Variants in SUMF1 observed in about 807,000 individuals in gnomAD.
SUMF1 encodes the protein formylglycine-generating enzyme.
Under a neutral mutation model 47.6 loss-of-function variants are expected in SUMF1, and 48 were observed. The observed-to-expected ratio is 1.01, with a 90% CI of 0.80 to 1.28. The LOEUF is 1.28. Ranked by LOEUF, SUMF1 falls within the 50% of genes most tolerant of loss-of-function variation. The probability of loss-of-function intolerance (pLI) is 0.00; values close to 1 mark genes in which losing one functional copy is unlikely to be tolerated. For missense variants in SUMF1, 571 were observed against 485.4 expected, an observed-to-expected ratio of 1.18 and a Z score of -1.66; for synonymous variants, 230 against 192.1, an observed-to-expected ratio of 1.20 and a Z score of -1.63.
At chr3:4,099,156 G>T (rs529858876) in intron 8 of SUMF1, among the ~76,000 whole-genome samples, 2 of 152,032 alleles carry the variant, frequency 1.3e-5, no homozygotes, top group African/African-American at 4.8e-5. Context: ...TCCAAATCAG[G>T]AGTTAAATGA....
At chr3:4,362,648 G>A (rs1288016592) in intron 8 of SUMF1, among the ~76,000 whole-genome samples, 2 of 152,170 alleles carry the variant, frequency 1.3e-5, no homozygotes, top group African/African-American at 4.8e-5. Flanking sequence ...GAGGCCAGGC[G>A]CACTGGCTCA....
intron 8 of SUMF1, among the ~76,000 whole-genome samples, chr3:4,258,429 A>C (rs1697007033): frequency 7.3e-6 from 1 of 136,834 alleles, no homozygotes; most frequent in African/African-American, 2.9e-5. Flanking sequence ...AAAAACAAAC[A>C]ACCCCATCAA....
chr3:4,146,929 G>T (rs987259032), intron 8 of SUMF1, among the ~76,000 whole-genome samples: 1 of 151,948 alleles, frequency 6.6e-6, no homozygotes, highest in Non-Finnish European at 1.5e-5. Flanking sequence ...CTTAATCCAG[G>T]CTATCGTTGT....
chr3:4,229,475 C>T (rs1696249943), intron 8 of SUMF1: 1 of 230,520 alleles, frequency 4.3e-6, no homozygotes, highest in African/African-American at 2.4e-5. Context: ...AAAACTATTG[C>T]ACCTCTCCAG....
chr3:4,457,018 A>G lies in SUMF1; in HGVS notation c.271-3969T>C, dbSNP rs1213570251. 6.1e-5 allele frequency among the ~76,000 whole-genome samples: 8 copies of G among 131,962 alleles called. No homozygotes were observed. The Admixed American group carries it at 6.4e-4, about 10-fold the overall frequency. 86.6% of individuals were successfully genotyped at this position (131,962 alleles called of 152,430 possible). On this transcript the variant is annotated intron_variant, in intron 1 of 8. Transcript: ENST00000272902. ...TGTGTGTATATATATACGTGTGTGT[A>G]CATATATATACGTGTGTGTGTATAT... is the stretch of plus-strand genomic sequence containing the variant.
intron 8 of SUMF1, among the ~76,000 whole-genome samples, chr3:4,236,686 G>C (rs942784746): frequency 3.3e-5 from 5 of 152,076 alleles, no homozygotes; most frequent in African/African-American, 9.7e-5. Flanking sequence ...TATATCCCTT[G>C]TCACCTATCA....
intron 3 of SUMF1, among the ~76,000 whole-genome samples, chr3:4,422,126 A>G (rs528588269): frequency 6.6e-6 from 1 of 152,324 alleles, no homozygotes; most frequent in East Asian, 1.9e-4. Flanking sequence ...AGGGGAGTGA[A>G]GAGGCATGGC....
At chr3:4,305,651 T>C (rs889069369) in intron 8 of SUMF1, among the ~76,000 whole-genome samples, 3 of 152,162 alleles carry the variant, frequency 2.0e-5, no homozygotes, top group Non-Finnish European at 4.4e-5. Flanking sequence ...TCTTCCCTTA[T>C]TTGTTATTTG....
intron 8 of SUMF1, among the ~76,000 whole-genome samples, chr3:4,235,967 G>C (rs1254731920): frequency 6.6e-6 from 1 of 151,970 alleles, no homozygotes; most frequent in Non-Finnish European, 1.5e-5. Context: ...TTTTGAGACA[G>C]GGTCTGGCTC....
In SUMF1 at chr3:4,061,232, G is replaced by A. The variant is rs368000366; in HGVS notation, c.1191+7337C>T. On this transcript the variant is annotated intron_variant and NMD_transcript_variant, in intron 9 of 12. Transcript: ENST00000448413. ...TTTCTTTTGAATAAACATAGAAATG[G>A]ATCCTCCCAATCTTAAAAGTGGAGA... Among the ~76,000 whole-genome samples the A allele has an allele frequency of 1.8e-4, 28 of 152,202 alleles. No homozygotes were observed. In the East Asian group the frequency reaches 3.9e-3, roughly 21 times the overall value.
intron 1 of SUMF1, among the ~76,000 whole-genome samples, chr3:4,465,012 A>G (rs1452832830): frequency 2.6e-5 from 4 of 152,262 alleles, no homozygotes; most frequent in African/African-American, 9.6e-5. Flanking sequence ...TCTAACATCC[A>G]CATCCCATTC....
At position 4,362,062 on chromosome 3, in the gene SUMF1, G is replaced by T; in HGVS notation, c.*82C>A. 7.4e-7 allele frequency: 1 copy of T among 1,355,392 alleles called. No homozygotes were observed. Among genetic ancestry groups the T allele is most frequent in the Non-Finnish European group, 1.0e-6 (1 of 952,510 alleles). 84.0% of individuals were successfully genotyped at this position (1,355,392 alleles called of 1,614,324 possible). ...ACCTCAGGGTGGGAATTCTTTGCATGGGATCGTTCAAAGTTCTGAGAAAAG... is the reference window on the plus strand; with the variant it reads ...ACCTCAGGGTGGGAATTCTTTGCATTGGATCGTTCAAAGTTCTGAGAAAAG... On this transcript the variant is annotated 3_prime_UTR_variant, in exon 9 of 9. Transcript: ENST00000272902.
chr3:4,203,885 T>C (rs1251529663), intron 8 of SUMF1, among the ~76,000 whole-genome samples: 1 of 151,970 alleles, frequency 6.6e-6, no homozygotes, highest in Non-Finnish European at 1.5e-5. Context: ...CACAATTTAA[T>C]TTCAACCCCC....
chr3:4,374,002 T>A (rs1700247709), intron 8 of SUMF1, among the ~76,000 whole-genome samples: 1 of 150,182 alleles, frequency 6.7e-6, no homozygotes. Context: ...GATAAAAAAC[T>A]CTAAAAAATT....
chr3:4,268,222 T>C (rs973915587), intron 8 of SUMF1, among the ~76,000 whole-genome samples: 13 of 151,398 alleles, frequency 8.6e-5, no homozygotes, highest in African/African-American at 3.2e-4. Flanking sequence ...AACATCACAC[T>C]CTGGGGACTG....
At chr3:4,447,277 A>G (rs932094652) in intron 3 of SUMF1, among the ~76,000 whole-genome samples, 3 of 152,236 alleles carry the variant, frequency 2.0e-5, no homozygotes, top group African/African-American at 4.8e-5. Flanking sequence ...ATGAAAATAA[A>G]CCATATTATT....
At chr3:4,273,903 C>CT (rs996890433) in intron 8 of SUMF1, among the ~76,000 whole-genome samples, 23 of 139,508 alleles carry the variant, frequency 1.6e-4, no homozygotes, top group East Asian at 4.5e-4. Context: ...AGTGTTGTTT[C>CT]TTTTTTTTAA....
intron 8 of SUMF1, among the ~76,000 whole-genome samples, chr3:4,248,546 A>T (rs73115925): frequency 0.013 from 1,916 of 152,282 alleles, 40 homozygotes; most frequent in African/African-American, 0.044. Flanking sequence ...AGCTTTAGAC[A>T]TAATTGAGGG....
chr3:4,273,109 T>C (rs988144780), intron 8 of SUMF1, among the ~76,000 whole-genome samples: 1 of 148,958 alleles, frequency 6.7e-6, no homozygotes, highest in African/African-American at 2.5e-5. Context: ...TATATATACA[T>C]ATATATATAC....
Sources: gnomAD v4.1 joint callset for allele counts (sites outside exome capture counted in the v4.1 genomes callset) on GRCh38, gnomAD v4.1.1 for gene constraint, MANE v1.5 for transcripts, NCBI Gene and HGNC (gene_info 2026-07-23, HGNC 2026-07-21) for gene names.